EYS: variants seen among roughly 807,000 people sequenced by gnomAD.
The protein encoded by EYS is protein eyes shut homolog.
EYS carries 250 observed loss-of-function variants against 282.1 expected under a neutral mutation model. The ratio of observed to expected loss-of-function variants is 0.89; its 90% CI spans 0.80 to 0.98. The LOEUF (loss-of-function observed/expected upper bound fraction) is 0.98. EYS is among the 50% of genes least tolerant of loss of function. The pLI is 0.00. For synonymous variants in EYS, 1,355 were observed against 1,282.9 expected (o/e 1.06, Z -1.20); for missense variants, 4,016 against 3,709.0 (o/e 1.08, Z -2.15).
chr6:63,904,447 G>A (rs1425407535), intron 35 of EYS, among the ~76,000 whole-genome samples: 2 of 152,132 alleles, frequency 1.3e-5, no homozygotes. Context: ...ATAGGTTAGG[G>A]TTCAATATAC....
intron 30 of EYS, among the ~76,000 whole-genome samples, chr6:64,264,964 T>C (rs914760999): frequency 6.6e-6 from 1 of 152,028 alleles, no homozygotes; most frequent in Non-Finnish European, 1.5e-5. Flanking sequence ...TAGGAAGAGG[T>C]TACGGATTGA....
intron 36 of EYS, among the ~76,000 whole-genome samples, chr6:63,845,814 A>T (rs1169927948): frequency 6.6e-6 from 1 of 152,150 alleles, no homozygotes; most frequent in Non-Finnish European, 1.5e-5. Context: ...GAGCTTTTAG[A>T]TATTGGCAGA....
chr6:64,717,615 G>T (rs906406122), intron 22 of EYS, among the ~76,000 whole-genome samples: 1 of 152,146 alleles, frequency 6.6e-6, no homozygotes, highest in African/African-American at 2.4e-5. Context: ...CCACGAACTG[G>T]TACCTAAGAG....
intron 22 of EYS, among the ~76,000 whole-genome samples, chr6:64,783,533 G>A (rs1173220701): frequency 5.9e-5 from 9 of 151,850 alleles, no homozygotes; most frequent in Admixed American, 2.0e-4. Flanking sequence ...CTATATTCAC[G>A]TTCTCTTATG....
At position 64,230,902 on chromosome 6, in the gene EYS, GATTTA is replaced by G. The variant is rs1189838767; in HGVS notation, c.6192-83_6192-79del. The G allele has an allele frequency of 5.8e-6, 5 of 857,950 alleles. No homozygotes were observed. In the South Asian group the frequency reaches 6.0e-5, roughly 10 times the overall value. 53.1% of individuals were successfully genotyped at this position (857,950 alleles called of 1,614,324 possible). On this transcript the variant is annotated intron_variant, in intron 30 of 42. Coordinates refer to ENST00000503581, the MANE Select transcript of EYS (RefSeq NM_001142800.2). ...CATAAATAGAAATAATAGAAAATTTGATTTAATATAAGAGAAAATGAAACCAATAC... is the reference window on the plus strand; with the variant it reads ...CATAAATAGAAATAATAGAAAATTTGATATAAGAGAAAATGAAACCAATAC...
At chr6:64,953,522 G>T (rs1769585156) in intron 14 of EYS, among the ~76,000 whole-genome samples, 2 of 151,628 alleles carry the variant, frequency 1.3e-5, no homozygotes, top group Admixed American at 1.3e-4. Context: ...AGACACAAAG[G>T]TTTCCAAATA....
At chr6:63,902,919 A>G (rs989936237) in intron 35 of EYS, among the ~76,000 whole-genome samples, 1 of 152,202 alleles carries the variant, frequency 6.6e-6, no homozygotes, top group Non-Finnish European at 1.5e-5. Flanking sequence ...TACCAGGGTA[A>G]TTGGCTAAGC....
chr6:65,063,674 C>G (rs1773646996), intron 12 of EYS, among the ~76,000 whole-genome samples: 1 of 152,034 alleles, frequency 6.6e-6, no homozygotes, highest in African/African-American at 2.4e-5. Flanking sequence ...CTTTTCTCTT[C>G]CATGCTTAGT....
At chr6:65,181,879 TA>T (rs1323729107) in intron 12 of EYS, among the ~76,000 whole-genome samples, 15 of 152,024 alleles carry the variant, frequency 9.9e-5, no homozygotes, top group African/African-American at 3.6e-4. Context: ...TATGCAGCCA[TA>T]AAAAATGATG....
At chr6:63,959,902 A>T (rs546611092) in intron 35 of EYS, among the ~76,000 whole-genome samples, 39 of 152,242 alleles carry the variant, frequency 2.6e-4, no homozygotes, top group African/African-American at 8.7e-4. Flanking sequence ...ACAAATAGCT[A>T]ATGCATGTGG....
chr6:64,735,448 C>A (rs1028611767), intron 22 of EYS, among the ~76,000 whole-genome samples: 5 of 152,050 alleles, frequency 3.3e-5, no homozygotes, highest in Non-Finnish European at 7.4e-5. Context: ...GATAGTGACA[C>A]AACTGATCTG....
chr6:65,470,101 C>G (rs971794139), intron 5 of EYS, among the ~76,000 whole-genome samples: 1 of 152,092 alleles, frequency 6.6e-6, no homozygotes, highest in African/African-American at 2.4e-5. Flanking sequence ...GGACCGATAG[C>G]AAGCAAGAGA....
chr6:64,556,240 T>G (rs565939573), intron 26 of EYS, among the ~76,000 whole-genome samples: 1 of 152,014 alleles, frequency 6.6e-6, no homozygotes, highest in Admixed American at 6.6e-5. Flanking sequence ...ATTTTTATTA[T>G]GTGGAGAATA....
chr6:65,264,130 A>C (rs781167834), intron 12 of EYS, among the ~76,000 whole-genome samples: 1 of 152,100 alleles, frequency 6.6e-6, no homozygotes, highest in Non-Finnish European at 1.5e-5. Context: ...ATCAACCTGC[A>C]TTTCTGGTAA....
rs4130997 is a variant in EYS at position 64,050,485 on chromosome 6, T to C, written c.6725+15853A>G. On this transcript the variant is annotated intron_variant, in intron 33 of 42. Coordinates refer to ENST00000503581, the MANE Select transcript of EYS (RefSeq NM_001142800.2). ...CTCCTAATTAAAATGTACTGAATCA[T>C]GTATACTGAAAATACATGAATAGGG... 4.9e-3 allele frequency among the ~76,000 whole-genome samples: 752 copies of C among 152,300 alleles called. 6 individuals are homozygous for C. Among genetic ancestry groups the C allele is most frequent in the African/African-American group, 0.017 (721 of 41,568 alleles).
At chr6:65,680,644 G>A (rs1768781467) in intron 1 of EYS, among the ~76,000 whole-genome samples, 1 of 151,826 alleles carries the variant, frequency 6.6e-6, no homozygotes, top group Non-Finnish European at 1.5e-5. Flanking sequence ...AATTTGTTTA[G>A]GTTAGCCCTG....
chr6:64,768,063 C>T (rs780400652), intron 22 of EYS, among the ~76,000 whole-genome samples: 20 of 151,672 alleles, frequency 1.3e-4, no homozygotes, highest in Non-Finnish European at 2.7e-4. Flanking sequence ...TAAATTATCA[C>T]CTGGAGCATT....
chr6:65,520,797 TTCTA>T (rs747840390), intron 2 of EYS, among the ~76,000 whole-genome samples: 5 of 152,096 alleles, frequency 3.3e-5, no homozygotes, highest in Admixed American at 6.6e-5. Flanking sequence ...GCAATGCTTC[TTCTA>T]TCTTCTTTTT....
intron 22 of EYS, among the ~76,000 whole-genome samples, chr6:64,697,639 A>G (rs1770628442): frequency 6.6e-6 from 1 of 152,180 alleles, no homozygotes; most frequent in Non-Finnish European, 1.5e-5. Flanking sequence ...GTTAATTAAC[A>G]AAACCAGTCT....
Sources: gnomAD v4.1 joint callset for allele counts (sites outside exome capture counted in the v4.1 genomes callset) on GRCh38, gnomAD v4.1.1 for gene constraint, MANE v1.5 for transcripts, NCBI Gene and HGNC (gene_info 2026-07-23, HGNC 2026-07-21) for gene names.